The following WIPF2 variants were observed in gnomAD, a reference collection of about 807,000 sequenced individuals.
WIPF2 encodes the protein WAS/WASL interacting protein family member 2, also known as WAS/WASL-interacting protein family member 2.
WIPF2 carries 23 observed loss-of-function variants against 38.8 expected under a neutral mutation model. The observed-to-expected ratio is 0.59, with a 90% CI of 0.43 to 0.84. The LOEUF (loss-of-function observed/expected upper bound fraction) is 0.84. Among genes scored for constraint, WIPF2 ranks in the 40% least tolerant of loss-of-function variants. The probability of loss-of-function intolerance (pLI) is 0.00; values close to 1 mark genes in which losing one functional copy is unlikely to be tolerated. For synonymous variants in WIPF2, 210 were observed against 223.2 expected, an observed-to-expected ratio of 0.94 and a Z score of 0.53; for missense variants, 574 against 580.5, an observed-to-expected ratio of 0.99 and a Z score of 0.11.
chr17:40,252,321 T>C lies in WIPF2; in HGVS notation c.-69-4070T>C, dbSNP rs2031584405. On this transcript the variant is annotated intron_variant, in intron 1 of 7. Transcript: ENST00000323571. ...AGGACTTGTCTGAGTCTTTTTTGGGTCATTCTAGGAGATCCTTTCAATTAT... is the reference window on the plus strand; with the variant it reads ...AGGACTTGTCTGAGTCTTTTTTGGGCCATTCTAGGAGATCCTTTCAATTAT... Among the ~76,000 whole-genome samples, 4 of 152,084 alleles carry C rather than the reference T, an allele frequency of 2.6e-5. No individual in the cohort carries two copies. In the South Asian group the frequency reaches 8.3e-4, roughly 32 times the overall value.
intron 1 of WIPF2, among the ~76,000 whole-genome samples, chr17:40,225,737 C>T (rs1162751357): frequency 2.6e-5 from 4 of 152,104 alleles, no homozygotes; most frequent in Non-Finnish European, 5.9e-5. Context: ...GTAGCCTCGA[C>T]CTCCCCAGGC....
intron 2 of WIPF2, among the ~76,000 whole-genome samples, chr17:40,259,121 C>CT (rs1348824174): frequency 6.7e-6 from 1 of 148,230 alleles, no homozygotes; most frequent in Non-Finnish European, 1.5e-5. Context: ...TCAAGTGATC[C>CT]TTTTGCCTGG....
chr17:40,277,224 G>C, intron 7 of WIPF2, 40 bp downstream of exon 7: 3 of 1,520,182 alleles, frequency 2.0e-6, no homozygotes, highest in Non-Finnish European at 2.7e-6. Context: ...TAATTGCATA[G>C]AATGTAGAAT....
chr17:40,265,111 C>T lies in WIPF2; in HGVS notation c.935C>T (p.Pro312Leu), dbSNP rs748010724. 1.9e-6 allele frequency: 3 copies of T among 1,612,876 alleles called. No homozygotes were observed. The highest frequency in any genetic ancestry group is 1.7e-5 in the Admixed American group (1 of 59,946). The change falls in exon 5 of 8, where the codon CCT becomes CTT. Residue 312 changes from proline to leucine, a missense_variant. Physicochemically the swap from Pro to Leu is moderately conservative, Grantham distance 98. Transcript: ENST00000323571. ...CCATCTTTACTGAGTAATAGGCCACCTCCCCCAGCCCGAGACCCTCCCAGT... is the reference window on the plus strand; with the variant it reads ...CCATCTTTACTGAGTAATAGGCCACTTCCCCCAGCCCGAGACCCTCCCAGT... ...ASPSLLSNRP[P>L]PPARDPPSRG...
rs2032498242 is a variant in WIPF2 at position 40,279,491 on chromosome 17, A to C, written c.*1266A>C. ...CTCTTCTATGCCAGGAAGCACAAAGACTTTGTTGAGATTTGCCTCAGTTCA... is the reference window on the plus strand; with the variant it reads ...CTCTTCTATGCCAGGAAGCACAAAGCCTTTGTTGAGATTTGCCTCAGTTCA... On this transcript the variant is annotated 3_prime_UTR_variant, in exon 8 of 8. Coordinates refer to ENST00000323571, the MANE Select transcript of WIPF2 (RefSeq NM_133264.5). 6.6e-6 allele frequency: 1 copy of C among 152,604 alleles called. No individual in the cohort carries two copies. Among genetic ancestry groups the C allele is most frequent in the South Asian group, 2.1e-4 (1 of 4,824 alleles). The allele number at this position is 152,604 out of a possible 1,614,324, so 9.5% of individuals were successfully genotyped here.
At chr17:40,227,242 T>G (rs1400207545) in intron 1 of WIPF2, among the ~76,000 whole-genome samples, 1 of 152,064 alleles carries the variant, frequency 6.6e-6, no homozygotes, top group South Asian at 2.1e-4. Context: ...GGTTTCACCA[T>G]GTTGGCCAGG....
At chr17:40,227,380 A>G (rs1161433257) in intron 1 of WIPF2, among the ~76,000 whole-genome samples, 2 of 152,144 alleles carry the variant, frequency 1.3e-5, no homozygotes, top group East Asian at 3.8e-4. Context: ...AATTTAAAAG[A>G]TAAAAAAGTA....
intron 1 of WIPF2, among the ~76,000 whole-genome samples, chr17:40,242,166 T>C (rs2031211595): frequency 6.6e-6 from 1 of 152,078 alleles, no homozygotes; most frequent in African/African-American, 2.4e-5. Context: ...TTGTTTGAGG[T>C]CAGGAGTTTG....
rs565754010 is a variant in WIPF2 at position 40,270,776 on chromosome 17, T to C, written c.971-3014T>C. ...ATTTCTCTTTAATTATTGCATCTAG[T>C]GTCCCCTGTTTCTACTGAACAAAGC... On this transcript the variant is annotated intron_variant, in intron 5 of 7. Coordinates refer to ENST00000323571, the MANE Select transcript of WIPF2 (RefSeq NM_133264.5). 1.2e-4 allele frequency among the ~76,000 whole-genome samples: 18 copies of C among 152,286 alleles called. No individual in the cohort carries two copies. The South Asian group carries it at 3.5e-3, about 30-fold the overall frequency.
At chr17:40,277,517 T>C (rs2032437186) in intron 7 of WIPF2, among the ~76,000 whole-genome samples, 1 of 152,058 alleles carries the variant, frequency 6.6e-6, no homozygotes, top group Admixed American at 6.5e-5. Flanking sequence ...CCGTCTCTAC[T>C]AAAAATACAA....
At chr17:40,270,876 G>A (rs2032229732) in intron 5 of WIPF2, among the ~76,000 whole-genome samples, 1 of 151,920 alleles carries the variant, frequency 6.6e-6, no homozygotes, top group Non-Finnish European at 1.5e-5. Context: ...GGCTTATTGT[G>A]CCAGATTGTG....
At chr17:40,274,126 T>C (rs1423283080) in intron 6 of WIPF2, 127 bp downstream of exon 6, 3 of 708,922 alleles carry the variant, frequency 4.2e-6, no homozygotes, top group Non-Finnish European at 6.7e-6. Flanking sequence ...ACAATAGTTC[T>C]CCTGCTGACT....
chr17:40,222,654 GTTTTTTTTTTTT>G lies in WIPF2; in HGVS notation c.-70+3184_-70+3195del, dbSNP rs58758484. 5.5e-4 allele frequency among the ~76,000 whole-genome samples: 29 copies of G among 52,864 alleles called. No individual in the cohort carries two copies. In the East Asian group the frequency reaches 0.016, roughly 29 times the overall value. The allele number at this position is 52,864 out of a possible 152,430, so 34.7% of individuals were successfully genotyped here. On this transcript the variant is annotated intron_variant, in intron 1 of 7. Transcript: ENST00000323571. ...CTGGTTTTGATTTGATGCATATTCA[GTTTTTTTTTTTT>G]TTTTTTTTTTTTTTTTTTTTTGAGA...
rs573367732 is a variant in WIPF2 at position 40,269,477 on chromosome 17, C to T, written c.971-4313C>T. 4.2e-3 allele frequency among the ~76,000 whole-genome samples: 635 copies of T among 151,638 alleles called. 1 individual carries two copies. Among genetic ancestry groups the T allele is most frequent in the Non-Finnish European group, 6.5e-3 (442 of 67,844 alleles). On this transcript the variant is annotated intron_variant, in intron 5 of 7. Transcript: ENST00000323571. ...AGAGAGCTGAGATCACGCCACTGCA[C>T]TCCAGCCTAGGCAGCAGAGCAAGAC...
rs1438884161 is a variant in WIPF2, at chr17:40,273,963, C to T, written c.1144C>T (p.His382Tyr). 6.3e-7 allele frequency: 1 copy of T among 1,586,868 alleles called. No homozygotes were observed. The highest frequency in any genetic ancestry group is 1.8e-5 in the Admixed American group (1 of 56,628). Residue 382 changes from histidine (H) to tyrosine (Y), a missense_variant, in exon 6 of 8, where the codon CAC becomes TAC. His to Tyr is a moderately conservative substitution (Grantham distance 83, BLOSUM62 2). Coordinates refer to ENST00000323571, the MANE Select transcript of WIPF2 (RefSeq NM_133264.5). ...TCCTCCACCGCCCCTGAGGAATGGC[C>T]ACAGAGATTCTATCACCACTGTCCG... ...PPPPPPLRNG[H>Y]RDSITTVRSF... is the part of the protein sequence containing the mutation.
chr17:40,235,498 C>A (rs2030930475), intron 1 of WIPF2, among the ~76,000 whole-genome samples: 1 of 151,264 alleles, frequency 6.6e-6, no homozygotes, highest in Non-Finnish European at 1.5e-5. Flanking sequence ...TAAACCTCTT[C>A]TCATCATTGA....
chr17:40,224,080 G>T (rs1335302349), intron 1 of WIPF2, among the ~76,000 whole-genome samples: 1 of 151,842 alleles, frequency 6.6e-6, no homozygotes, highest in African/African-American at 2.4e-5. Flanking sequence ...ACTTATTTGG[G>T]AGTAAAAACC....
intron 5 of WIPF2, among the ~76,000 whole-genome samples, chr17:40,265,403 GAT>G (rs767081163): frequency 6.6e-6 from 1 of 152,208 alleles, no homozygotes; most frequent in Non-Finnish European, 1.5e-5. Flanking sequence ...AGAGGAATAA[GAT>G]ATACTGGGGC....
At chr17:40,228,533 A>T (rs1405166301) in intron 1 of WIPF2, among the ~76,000 whole-genome samples, 1 of 151,872 alleles carries the variant, frequency 6.6e-6, no homozygotes, top group Non-Finnish European at 1.5e-5. Flanking sequence ...GATGTTCGTT[A>T]TTCATTTATT....
Sources: allele counts gnomAD v4.1 joint callset (sites outside exome capture counted in the v4.1 genomes callset), GRCh38; gene constraint gnomAD v4.1.1; transcripts MANE v1.5; gene names NCBI Gene and HGNC (gene_info 2026-07-23, HGNC 2026-07-21).